Variants in MDGA1 observed in about 807,000 individuals in gnomAD.
The protein encoded by MDGA1 is MAM domain containing glycosylphosphatidylinositol anchor 1.
A neutral mutation model predicts 101.5 loss-of-function variants in MDGA1; 54 were observed. That is an observed-to-expected ratio of 0.53 (90% CI 0.43 to 0.67). The LOEUF is 0.67. MDGA1 is among the 30% of genes least tolerant of loss of function. MDGA1 has a pLI of 0.00. For synonymous variants in MDGA1, 533 were observed against 558.3 expected, an observed-to-expected ratio of 0.95 and a Z score of 0.64; for missense variants, 1,083 against 1,323.8, an observed-to-expected ratio of 0.82 and a Z score of 2.82.
chr6:37,692,690 C>T (rs80079791), intron 1 of MDGA1, among the ~76,000 whole-genome samples: 1 of 152,068 alleles, frequency 6.6e-6, no homozygotes, highest in East Asian at 1.9e-4. Flanking sequence ...CCCTTCCCCC[C>T]CAGCCTGTCC....
At chr6:37,654,639 C>A (rs1301149999) in intron 5 of MDGA1, 96 bp from the exon 6 acceptor site, 6 of 1,579,320 alleles carry the variant, frequency 3.8e-6, no homozygotes, top group Middle Eastern at 1.7e-4. Flanking sequence ...GCTGGAGAAG[C>A]CCTCAGGGGA....
intron 1 of MDGA1, among the ~76,000 whole-genome samples, chr6:37,690,073 C>G (rs1328314985): frequency 6.6e-6 from 1 of 152,230 alleles, no homozygotes; most frequent in Non-Finnish European, 1.5e-5. Flanking sequence ...CCACCTTCTA[C>G]TGCACTCCCC....
In MDGA1 at chr6:37,696,750, ACTC is replaced by A; in HGVS notation, c.59_61del (p.Gly20del). 6.3e-7 allele frequency: 1 copy of A among 1,581,622 alleles called. No individual in the cohort carries two copies. ...AGCGGGACGCGGGCTCTTACCGTAG[ACTC>A]CTTGTCCCCGGCAGTGGAAGGGGAT... On this transcript the variant is annotated inframe_deletion, in exon 1 of 17. Coordinates refer to ENST00000434837, the MANE Select transcript of MDGA1 (RefSeq NM_153487.4). The surrounding 1 kb of genome is among the most constrained non-coding windows in gnomAD (Gnocchi z 5.6).
intron 1 of MDGA1, among the ~76,000 whole-genome samples, chr6:37,684,937 A>T (rs2114098912): frequency 6.6e-6 from 1 of 152,174 alleles, no homozygotes; most frequent in Non-Finnish European, 1.5e-5. Context: ...AATTCAATTC[A>T]TTTCCCCATC....
intron 1 of MDGA1, among the ~76,000 whole-genome samples, chr6:37,672,066 A>G (rs2114071001): frequency 6.6e-6 from 1 of 152,216 alleles, no homozygotes; most frequent in Admixed American, 6.5e-5. Flanking sequence ...GCTTGAGCTC[A>G]GGAGGTGGAG....
At chr6:37,662,543 GGAGGATCACT>G (rs1451148819) in intron 2 of MDGA1, among the ~76,000 whole-genome samples, 1 of 151,682 alleles carries the variant, frequency 6.6e-6, no homozygotes, top group Non-Finnish European at 1.5e-5. Context: ...AGATGAGGTG[GGAGGATCACT>G]TGAGCACAGG....
At chr6:37,670,443 G>A (rs557980811) in intron 1 of MDGA1, among the ~76,000 whole-genome samples, 10 of 152,336 alleles carry the variant, frequency 6.6e-5, no homozygotes, top group East Asian at 5.8e-4. Context: ...GCCCTTCCCC[G>A]AGCATCCCCC....
rs1385386560 is a variant in MDGA1 at position 37,649,124 on chromosome 6, C to T, written c.1752G>A (p.Pro584=). 9 of 1,514,026 alleles carry T rather than the reference C, an allele frequency of 5.9e-6. No individual in the cohort carries two copies. Among genetic ancestry groups the T allele is most frequent in the Non-Finnish European group, 7.0e-6 (8 of 1,135,094 alleles). 93.8% of individuals were successfully genotyped at this position (1,514,026 alleles called of 1,614,324 possible). A position where few individuals can be genotyped will look rare whatever the true frequency, so the allele number is the denominator to read the frequency against. ...CGGCGGCGGCGGGAACAACAGGCGGCGGCGGCAGCAGCTGCCCTTTGAAAC... is the reference window on the plus strand; with the variant it reads ...CGGCGGCGGCGGGAACAACAGGCGGTGGCGGCAGCAGCTGCCCTTTGAAAC... ...VWRFKGQLLP[P]PPVVPAAAEA... The change falls in exon 9 of 17, where the codon CCG becomes CCA. Residue 584 remains proline, a synonymous_variant. Coordinates refer to ENST00000434837, the MANE Select transcript of MDGA1 (RefSeq NM_153487.4).
At chr6:37,651,882 C>T (rs1370349379) in intron 7 of MDGA1, 129 bp downstream of exon 7, 16 of 742,764 alleles carry the variant, frequency 2.2e-5, no homozygotes, top group Admixed American at 2.9e-5. Context: ...AATAAAAGCA[C>T]GTGGCATGAA....
intron 1 of MDGA1, among the ~76,000 whole-genome samples, chr6:37,692,716 A>G (rs1246852675): frequency 6.6e-6 from 1 of 151,620 alleles, no homozygotes; most frequent in East Asian, 1.9e-4. Context: ...TGTTCCAGCA[A>G]AGCAGAGCTA....
In MDGA1 at chr6:37,637,103, T is replaced by C; in HGVS notation, c.*265A>G. On this transcript the variant is annotated 3_prime_UTR_variant, in exon 17 of 17. Transcript: ENST00000434837. The stretch of plus-strand genomic sequence containing the variant: ...TTGCAGTAAAGAAGGTGCTGGCAGG[T>C]CAGATAGAAACTTGTGCTTTAATAT... The C allele has an allele frequency of 2.6e-6, 1 of 377,506 alleles. No homozygotes were observed. Among genetic ancestry groups the C allele is most frequent in the Non-Finnish European group, 4.8e-6 (1 of 209,116 alleles). 23.4% of individuals were successfully genotyped at this position (377,506 alleles called of 1,614,324 possible).
rs756143418 is a variant in MDGA1, at chr6:37,646,360, C to T, written c.2062G>A (p.Ala688Thr). 1.3e-6 allele frequency: 2 copies of T among 1,538,778 alleles called. No individual in the cohort carries two copies. Among genetic ancestry groups the T allele is most frequent in the African/African-American group, 2.7e-5 (2 of 73,102 alleles). The change falls in exon 11 of 17, where the codon GCG becomes ACG. Residue 688 changes from alanine (A) to threonine (T), a missense_variant. This residue lies in a region of MDGA1 where 657 missense variants were observed against 771.4 expected (regional missense o/e 0.85). Transcript: ENST00000434837. ...LSIRQLNQHN[A>T]VVKAIPVRRV... Reference sequence around the variant, plus strand: ...CGGACCGGGATGGCCTTGACCACCGCATTGTGCTGGTTCAACTGTTAAGTA... The same window carrying T: ...CGGACCGGGATGGCCTTGACCACCGTATTGTGCTGGTTCAACTGTTAAGTA...
chr6:37,655,750 A>G lies in MDGA1; in HGVS notation c.529T>C (p.Ser177Pro). 1.2e-6 allele frequency: 2 copies of G among 1,613,184 alleles called. No individual in the cohort carries two copies. Among genetic ancestry groups the G allele is most frequent in the Non-Finnish European group, 1.7e-6 (2 of 1,179,586 alleles). Residue 177 changes from serine (S) to proline (P), a missense_variant, in exon 4 of 17, where the codon TCC becomes CCC. Ser to Pro is a moderately conservative substitution (Grantham distance 74). Transcript: ENST00000434837. This position sits in a 1 kb window ranked among gnomAD's most constrained non-coding sequence, Gnocchi z 5.1. ...TCAACCCCATTGTCCTGGCTGTGGG[A>G]TAGGGTATCGGAACCCCGCTTCCAG... ...FIWKRGSDTL[S>P]HSQDNGVDIY...
At chr6:37,676,399 C>T (rs1277714709) in intron 1 of MDGA1, among the ~76,000 whole-genome samples, 2 of 152,218 alleles carry the variant, frequency 1.3e-5, no homozygotes, top group African/African-American at 4.8e-5. Flanking sequence ...ATGGCTCTCT[C>T]CAAGGCCCAC....
intron 1 of MDGA1, among the ~76,000 whole-genome samples, chr6:37,690,772 C>CAAAAA (rs11388608): frequency 1.6e-5 from 2 of 128,200 alleles, no homozygotes; most frequent in African/African-American, 3.0e-5. Context: ...GACTCCACCT[C>CAAAAA]AAAAAAAAAA....
At position 37,647,342 on chromosome 6, in the gene MDGA1, G is replaced by A. The variant is rs919714973; in HGVS notation, c.1895-18C>T. The A allele has an allele frequency of 6.6e-7, 1 of 1,508,650 alleles. No individual in the cohort carries two copies. Among genetic ancestry groups the A allele is most frequent in the African/African-American group, 1.4e-5 (1 of 72,594 alleles). 93.5% of individuals were successfully genotyped at this position (1,508,650 alleles called of 1,614,324 possible). On this transcript the variant is annotated intron_variant, in intron 9 of 16. Coordinates refer to ENST00000434837, the MANE Select transcript of MDGA1 (RefSeq NM_153487.4). ...GGCTTTGGCTAAGAGGGCGGGGAGG[G>A]GGGCATTGGGCCGTGGAGGGTGCAG...
rs1762038215 is a variant in MDGA1, at chr6:37,678,970, CA to C, written c.68-14865del. Among the ~76,000 whole-genome samples the C allele has an allele frequency of 3.3e-5, 5 of 152,160 alleles. No homozygotes were observed. The South Asian group carries it at 1.0e-3, about 32-fold the overall frequency. ...ACATTAAATCCCTTAAAGGGATGAA[CA>C]ATCTTTTTTTTCAAGCATCAATTCA... On this transcript the variant is annotated intron_variant, in intron 1 of 16. Coordinates refer to ENST00000434837, the MANE Select transcript of MDGA1 (RefSeq NM_153487.4).
At chr6:37,693,119 A>G (rs963789919) in intron 1 of MDGA1, among the ~76,000 whole-genome samples, 2 of 152,234 alleles carry the variant, frequency 1.3e-5, no homozygotes, top group Non-Finnish European at 2.9e-5. Flanking sequence ...TCTGTAAGTG[A>G]AAAGAAAGAA....
rs576737392 is a variant in MDGA1 at position 37,689,798 on chromosome 6, C to T, written c.67+6947G>A. Among the ~76,000 whole-genome samples, 21 of 152,264 alleles carry T rather than the reference C, an allele frequency of 1.4e-4. No homozygotes were observed. In the South Asian group the frequency reaches 3.3e-3, roughly 24 times the overall value. On this transcript the variant is annotated intron_variant, in intron 1 of 16. Coordinates refer to ENST00000434837, the MANE Select transcript of MDGA1 (RefSeq NM_153487.4). ...TCCTATTCCTTGCCTGAACTCTTTC[C>T]GATACACTTTTAGTGCTTAATGATG... is the stretch of plus-strand genomic sequence containing the variant.
Sources: allele counts gnomAD v4.1 joint callset (sites outside exome capture counted in the v4.1 genomes callset), GRCh38; gene constraint gnomAD v4.1.1; regional missense constraint gnomAD v4.1.1; non-coding constraint Gnocchi (gnomAD v3.1); transcripts MANE v1.5; gene names NCBI Gene and HGNC (gene_info 2026-07-23, HGNC 2026-07-21).